The following ACSL1 variants were observed in gnomAD, a reference collection of about 807,000 sequenced individuals.
ACSL1 encodes the protein acyl-CoA synthetase long chain family member 1, also known as long-chain-fatty-acid--CoA ligase 1.
Under a neutral mutation model 98.4 loss-of-function variants are expected in ACSL1, and 41 were observed. The observed-to-expected ratio is 0.42, with a 90% confidence interval of 0.32 to 0.54. The LOEUF (loss-of-function observed/expected upper bound fraction) is 0.54, where lower values mean the gene tolerates loss of function less well. ACSL1 is among the 20% of genes least tolerant of loss of function. The probability of loss-of-function intolerance (pLI) is 0.13; values close to 1 mark genes in which losing one functional copy is unlikely to be tolerated. For synonymous variants in ACSL1, 316 were observed against 322.7 expected, an observed-to-expected ratio of 0.98 and a Z score of 0.22; for missense variants, 734 against 883.1, an observed-to-expected ratio of 0.83 and a Z score of 2.14.
chr4:184,773,878 T>C lies in ACSL1; in HGVS notation c.757-3A>G. ...CGTCTGTTGGCTCTTCCCAGGTCCTTAATTAGAAGAGAAAAAAAGTCTTAA... is the reference window on the plus strand; with the variant it reads ...CGTCTGTTGGCTCTTCCCAGGTCCTCAATTAGAAGAGAAAAAAAGTCTTAA... On this transcript the variant is annotated splice_polypyrimidine_tract_variant and splice_region_variant and intron_variant, in intron 7 of 20. Coordinates refer to ENST00000281455, the MANE Select transcript of ACSL1 (RefSeq NM_001995.5). This position sits in a 1 kb window ranked among gnomAD's most constrained non-coding sequence, Gnocchi z 4.3. 1 of 1,613,888 alleles carries C rather than the reference T, an allele frequency of 6.2e-7. No homozygotes were observed. Among genetic ancestry groups the C allele is most frequent in the Non-Finnish European group, 8.5e-7 (1 of 1,179,844 alleles).
chr4:184,821,088 T>G (rs1034445865), intron 1 of ACSL1: 2 of 456,198 alleles, frequency 4.4e-6, no homozygotes, highest in African/African-American at 4.0e-5. Flanking sequence ...CTGAAGGTAC[T>G]AATGAGTTAA....
intron 1 of ACSL1, among the ~76,000 whole-genome samples, chr4:184,809,518 C>T (rs373994344): frequency 1.6e-4 from 25 of 152,054 alleles, no homozygotes; most frequent in South Asian, 4.1e-4. Context: ...TTAGGCCGGG[C>T]GCGGTGGCTC....
At chr4:184,814,358 C>T (rs1028978300) in intron 1 of ACSL1, among the ~76,000 whole-genome samples, 4 of 144,064 alleles carry the variant, frequency 2.8e-5, no homozygotes, top group Non-Finnish European at 4.5e-5. Context: ...CCATCATGAA[C>T]ATCATGGTAG....
At chr4:184,779,390 C>G (rs113895097) in intron 5 of ACSL1, among the ~76,000 whole-genome samples, 1 of 152,198 alleles carries the variant, frequency 6.6e-6, no homozygotes, top group Admixed American at 6.5e-5. Context: ...GAGGCCCCCC[C>G]AGCCATGTGA....
chr4:184,769,872 T>C (rs1331197037), intron 11 of ACSL1, among the ~76,000 whole-genome samples: 2 of 152,228 alleles, frequency 1.3e-5, no homozygotes, highest in Non-Finnish European at 2.9e-5. Context: ...ACAGGGAGCC[T>C]AGGCAAAGGT....
At chr4:184,764,541 G>A (rs772860180) in intron 15 of ACSL1, among the ~76,000 whole-genome samples, 55 of 152,268 alleles carry the variant, frequency 3.6e-4, no homozygotes, top group Admixed American at 9.2e-4. Context: ...TTACTAGGAA[G>A]CTCTGTTGGG....
intron 2 of ACSL1, among the ~76,000 whole-genome samples, chr4:184,794,979 G>C (rs1010346130): frequency 1.3e-5 from 2 of 151,896 alleles, no homozygotes; most frequent in African/African-American, 4.8e-5. Flanking sequence ...ACGGTACTTC[G>C]CAAAACATCT....
At chr4:184,815,148 A>G (rs1223452789) in intron 1 of ACSL1, 3 of 455,442 alleles carry the variant, frequency 6.6e-6, no homozygotes, top group South Asian at 1.5e-5. Flanking sequence ...AACAGTACGC[A>G]TGCACCAGGC....
intron 17 of ACSL1, among the ~76,000 whole-genome samples, chr4:184,760,810 C>T (rs1465380311): frequency 6.6e-6 from 1 of 152,204 alleles, no homozygotes; most frequent in Non-Finnish European, 1.5e-5. Flanking sequence ...GCTCATTTAG[C>T]CTCCTGTCTG....
intron 11 of ACSL1, 73 bp from the exon 12 acceptor site, chr4:184,768,523 A>C: frequency 6.5e-7 from 1 of 1,529,068 alleles, no homozygotes; most frequent in Non-Finnish European, 8.7e-7. Flanking sequence ...ACAACATCCA[A>C]CATTTCAGTT....
chr4:184,775,084 C>A (rs1241676524), intron 7 of ACSL1, among the ~76,000 whole-genome samples: 1 of 152,154 alleles, frequency 6.6e-6, no homozygotes, highest in Non-Finnish European at 1.5e-5. Context: ...CAAATTAGTG[C>A]ACTGTTGCCG....
At chr4:184,787,542 G>A (rs1767597051) in intron 3 of ACSL1, among the ~76,000 whole-genome samples, 1 of 152,152 alleles carries the variant, frequency 6.6e-6, no homozygotes, top group South Asian at 2.1e-4. Flanking sequence ...CCCAGGCTGG[G>A]GGTAGAAAGA....
At chr4:184,804,181 G>GAAAC (rs1771019327) in intron 1 of ACSL1, among the ~76,000 whole-genome samples, 1 of 152,188 alleles carries the variant, frequency 6.6e-6, no homozygotes, top group Non-Finnish European at 1.5e-5. Context: ...ATAGCCAAAA[G>GAAAC]AAACAAACAG....
At chr4:184,802,941 G>A (rs1277233224) in intron 2 of ACSL1, among the ~76,000 whole-genome samples, 1 of 152,136 alleles carries the variant, frequency 6.6e-6, no homozygotes, top group Non-Finnish European at 1.5e-5. Context: ...GCATTCTTTT[G>A]GTAACATTTG....
chr4:184,816,113 T>C (rs1380882427), intron 1 of ACSL1, among the ~76,000 whole-genome samples: 2 of 146,888 alleles, frequency 1.4e-5, no homozygotes, highest in African/African-American at 2.5e-5. Context: ...AGAGACGCCA[T>C]CCAAAAGAAA....
rs374596505 is a variant in ACSL1, at chr4:184,795,105, C to T, written c.196-6374G>A. ...CACATTGTTCCAGAAAATAGGACTG[C>T]CCGTAGAAATTTACATGCCAACCAT... On this transcript the variant is annotated intron_variant, in intron 2 of 20. Coordinates refer to ENST00000281455, the MANE Select transcript of ACSL1 (RefSeq NM_001995.5). 6.1e-4 allele frequency among the ~76,000 whole-genome samples: 91 copies of T among 150,200 alleles called. 3 individuals are homozygous for T. Among genetic ancestry groups the T allele is most frequent in the African/African-American group, 2.1e-3 (86 of 41,406 alleles).
intron 1 of ACSL1, among the ~76,000 whole-genome samples, chr4:184,824,123 A>G (rs2150509238): frequency 6.6e-6 from 1 of 152,068 alleles, no homozygotes; most frequent in South Asian, 2.1e-4. Flanking sequence ...GGGAAGGGTA[A>G]TTTTTTGTTT....
Position 184,773,214 on chromosome 4 carries a change from G to T in ACSL1, c.842-60C>A. On this transcript the variant is annotated intron_variant, in intron 9 of 20. Coordinates refer to ENST00000281455, the MANE Select transcript of ACSL1 (RefSeq NM_001995.5). This position sits in a 1 kb window ranked among gnomAD's most constrained non-coding sequence, Gnocchi z 4.3. ...GAATGACAGAAATGAAGGAGGCCCAGAAACCTCACATAATTAGGGCTTCAG... is the reference window on the plus strand; with the variant it reads ...GAATGACAGAAATGAAGGAGGCCCATAAACCTCACATAATTAGGGCTTCAG... The T allele has an allele frequency of 6.8e-7, 1 of 1,476,596 alleles. No individual in the cohort carries two copies. Among genetic ancestry groups the T allele is most frequent in the Non-Finnish European group, 9.4e-7 (1 of 1,059,494 alleles). The allele number at this position is 1,476,596 out of a possible 1,614,324, so 91.5% of individuals were successfully genotyped here.
intron 2 of ACSL1, among the ~76,000 whole-genome samples, chr4:184,794,298 A>G (rs960808052): frequency 2.0e-5 from 3 of 152,152 alleles, no homozygotes; most frequent in African/African-American, 7.2e-5. Context: ...GATATATTAC[A>G]CTAGGTCTTT....
Sources: gnomAD v4.1 joint callset for allele counts (sites outside exome capture counted in the v4.1 genomes callset) on GRCh38, gnomAD v4.1.1 for gene constraint, Gnocchi (gnomAD v3.1) non-coding constraint, MANE v1.5 for transcripts, NCBI Gene and HGNC (gene_info 2026-07-23, HGNC 2026-07-21) for gene names.